The following USP32 variants were observed in gnomAD, a reference collection of about 807,000 sequenced individuals.
USP32 encodes ubiquitin specific peptidase 32.
Under a neutral mutation model 204.8 loss-of-function variants are expected in USP32, and 59 were observed. That is an observed-to-expected ratio of 0.29 (90% CI 0.23 to 0.36). The LOEUF (loss-of-function observed/expected upper bound fraction) is 0.36, where lower values mean the gene tolerates loss of function less well. Among genes scored for constraint, USP32 ranks in the 10% least tolerant of loss-of-function variants. The pLI is 1.00. For missense variants in USP32, 1,160 were observed against 1,946.4 expected, an observed-to-expected ratio of 0.60 and a Z score of 7.60; for synonymous variants, 517 against 678.4, an observed-to-expected ratio of 0.76 and a Z score of 3.70.
chr17:60,246,746 G>A (rs1216894408), intron 11 of USP32, among the ~76,000 whole-genome samples: 2 of 152,116 alleles, frequency 1.3e-5, no homozygotes, highest in Non-Finnish European at 2.9e-5. Flanking sequence ...TTAACTGGGA[G>A]ATAATATTTC....
At chr17:60,214,494 G>C (rs2085051667) in intron 17 of USP32, 126 bp downstream of exon 17, 1 of 778,520 alleles carries the variant, frequency 1.3e-6, no homozygotes, top group Admixed American at 2.9e-5. Flanking sequence ...AATTAGCCTT[G>C]TGCTCTTTGG....
At chr17:60,407,781 C>CAAAAAAA (rs750848462) in intron 1 of USP32, among the ~76,000 whole-genome samples, 4 of 35,952 alleles carry the variant, frequency 1.1e-4, no homozygotes, top group African/African-American at 1.9e-4. Context: ...GCCTCTGTCT[C>CAAAAAAA]AAAAAAAAAA....
At chr17:60,338,810 GT>G (rs913681894) in intron 2 of USP32, among the ~76,000 whole-genome samples, 1 of 152,090 alleles carries the variant, frequency 6.6e-6, no homozygotes, top group Non-Finnish European at 1.5e-5. Flanking sequence ...CATTTACCTT[GT>G]TTTCTCAATC....
chr17:60,281,704 C>T (rs962191912), intron 5 of USP32, among the ~76,000 whole-genome samples: 8 of 152,116 alleles, frequency 5.3e-5, no homozygotes, highest in South Asian at 2.1e-4. Flanking sequence ...AAATCTATTT[C>T]CCACAGCAAT....
At chr17:60,330,799 T>C (rs983041356) in intron 2 of USP32, among the ~76,000 whole-genome samples, 10 of 152,092 alleles carry the variant, frequency 6.6e-5, no homozygotes, top group African/African-American at 2.4e-4. Context: ...CAAATATAAC[T>C]TCATATCATA....
At chr17:60,345,776 G>A (rs954282275) in intron 1 of USP32, among the ~76,000 whole-genome samples, 168 bp from the exon 2 acceptor site, 13 of 152,114 alleles carry the variant, frequency 8.5e-5, no homozygotes, top group African/African-American at 3.1e-4. Context: ...AAGGCCAGGA[G>A]TTCAAGATCA....
intron 12 of USP32, among the ~76,000 whole-genome samples, chr17:60,230,673 C>G (rs2085523570): frequency 6.6e-6 from 1 of 152,218 alleles, no homozygotes; most frequent in South Asian, 2.1e-4. Flanking sequence ...ACCTGATGCT[C>G]TCACTGTTCT....
intron 12 of USP32, among the ~76,000 whole-genome samples, chr17:60,226,629 TGAA>T (rs1232849351): frequency 6.6e-6 from 1 of 152,148 alleles, no homozygotes; most frequent in Non-Finnish European, 1.5e-5. Flanking sequence ...ATAGAAAACA[TGAA>T]GAAAATATCA....
chr17:60,381,669 G>A (rs1169030748), intron 1 of USP32, among the ~76,000 whole-genome samples: 3 of 152,164 alleles, frequency 2.0e-5, no homozygotes, highest in African/African-American at 7.2e-5. Context: ...TGAACACTGT[G>A]TACCCTTGCA....
At chr17:60,186,251 T>C (rs1214891478) in intron 29 of USP32, among the ~76,000 whole-genome samples, 1 of 152,236 alleles carries the variant, frequency 6.6e-6, no homozygotes, top group Admixed American at 6.5e-5. Flanking sequence ...AACTTTGGAA[T>C]CCTATAAGGG....
At chr17:60,264,857 C>CAA (rs34027846) in intron 9 of USP32, among the ~76,000 whole-genome samples, 1,127 of 42,714 alleles carry the variant, frequency 0.026, 106 homozygotes, top group African/African-American at 0.066. Flanking sequence ...AAGACTCTGT[C>CAA]AAAAAAAAAA....
At chr17:60,286,689 G>A (rs895195974) in intron 5 of USP32, among the ~76,000 whole-genome samples, 3 of 152,166 alleles carry the variant, frequency 2.0e-5, no homozygotes, top group Non-Finnish European at 2.9e-5. Context: ...AAAAGAAGAT[G>A]TTTGATTTCC....
chr17:60,205,773 G>A, intron 25 of USP32, 115 bp from the exon 26 acceptor site: 2 of 1,110,292 alleles, frequency 1.8e-6, no homozygotes, highest in East Asian at 2.5e-5. Flanking sequence ...AGGGCAGGGA[G>A]AAATCACAGT....
At chr17:60,266,613 C>T (rs181474141) in intron 7 of USP32, among the ~76,000 whole-genome samples, 2 of 149,698 alleles carry the variant, frequency 1.3e-5, no homozygotes, top group East Asian at 2.0e-4. Context: ...CTCAGCCTCC[C>T]GAGTAGCTGG....
At chr17:60,272,011 C>T (rs774608934) in intron 5 of USP32, among the ~76,000 whole-genome samples, 5 of 152,056 alleles carry the variant, frequency 3.3e-5, no homozygotes, top group Non-Finnish European at 5.9e-5. Context: ...GATGGGGTCT[C>T]GCTATGTTGG....
chr17:60,195,433 G>T (rs943454156), intron 27 of USP32, among the ~76,000 whole-genome samples: 80 of 152,176 alleles, frequency 5.3e-4, no homozygotes, highest in Non-Finnish European at 8.8e-5. Flanking sequence ...CACCTACAGG[G>T]TTGAAGCAAT....
intron 1 of USP32, chr17:60,421,368 C>G: frequency 2.0e-6 from 2 of 985,478 alleles, no homozygotes; most frequent in Non-Finnish European, 2.4e-6. Context: ...CCGGGCTACC[C>G]CTACTTGAAG....
intron 1 of USP32, 43 bp from the exon 2 acceptor site, chr17:60,345,651 A>G: frequency 6.2e-7 from 1 of 1,612,246 alleles, no homozygotes. Flanking sequence ...TCAGGAGAGA[A>G]AAGAGGTGTC....
Position 60,244,788 on chromosome 17 carries a change from C to T in USP32, c.1136+7593G>A, listed in dbSNP as rs142882121. On this transcript the variant is annotated intron_variant, in intron 11 of 33. Coordinates refer to ENST00000300896, the MANE Select transcript of USP32 (RefSeq NM_032582.4). The stretch of plus-strand genomic sequence containing the variant: ...ATAGGGTTACAGGCACGCACCACCA[C>T]GCCAGGCTAATTTTTGTACTTTGAG... 4.0e-3 allele frequency among the ~76,000 whole-genome samples: 607 copies of T among 152,300 alleles called. 4 individuals are homozygous for T. Among genetic ancestry groups the T allele is most frequent in the African/African-American group, 0.014 (564 of 41,572 alleles).
Sources: gnomAD v4.1 joint callset for allele counts (sites outside exome capture counted in the v4.1 genomes callset) on GRCh38, gnomAD v4.1.1 for gene constraint, MANE v1.5 for transcripts, NCBI Gene and HGNC (gene_info 2026-07-23, HGNC 2026-07-21) for gene names.